DLG5: variants seen among roughly 807,000 people sequenced by gnomAD.
DLG5 encodes the protein discs large MAGUK scaffold protein 5, also known as disks large homolog 5.
In DLG5, 48 loss-of-function variants were observed where a neutral mutation model predicts 189.8. The observed-to-expected ratio is 0.25, with a 90% CI of 0.20 to 0.32. The LOEUF is 0.32. DLG5 is among the 10% of genes least tolerant of loss of function. The pLI, the probability that DLG5 is intolerant of heterozygous loss-of-function variation, is 1.00. For missense variants in DLG5, 2,160 were observed against 2,544.7 expected, an observed-to-expected ratio of 0.85 and a Z score of 3.25; for synonymous variants, 1,016 against 1,054.1, an observed-to-expected ratio of 0.96 and a Z score of 0.70.
At chr10:77,834,282 T>C (rs1457259555) in intron 8 of DLG5, among the ~76,000 whole-genome samples, 1 of 152,038 alleles carries the variant, frequency 6.6e-6, no homozygotes, top group Non-Finnish European at 1.5e-5. Flanking sequence ...CGGCAACAAG[T>C]GTCAGGTTCC....
At chr10:77,866,442 T>C (rs11817548) in intron 2 of DLG5, among the ~76,000 whole-genome samples, 4,456 of 152,234 alleles carry the variant, frequency 0.029, 225 homozygotes, top group African/African-American at 0.1. Flanking sequence ...CAGCCAACTG[T>C]GGTCAATGAA....
chr10:77,926,435 A>T lies in DLG5; in HGVS notation c.86T>A (p.Leu29Gln). The T allele has an allele frequency of 2.6e-6, 4 of 1,567,870 alleles. No homozygotes were observed. In the South Asian group the frequency reaches 3.6e-5, roughly 14 times the overall value. Residue 29 changes from leucine (L) to glutamine (Q), a missense_variant, in exon 1 of 32, where the codon CTG (leucine) becomes CAG (glutamine). By Grantham distance (113) the Leu-to-Gln change is moderately radical (BLOSUM62 -2). Around this residue, in one of 5 missense-constraint regions of DLG5, gnomAD observed 664 missense variants for 838.5 expected, o/e 0.79. Transcript: ENST00000372391. This position sits in a 1 kb window ranked among gnomAD's most constrained non-coding sequence, Gnocchi z 5.2. Reference sequence around the variant, plus strand: ...ACTGAGCGCTCCCGCGGCCTCGAGCAGCCCGAGCACGGCTTCCACCTCCGT... The same window carrying T: ...ACTGAGCGCTCCCGCGGCCTCGAGCTGCCCGAGCACGGCTTCCACCTCCGT... ...AMTEVEAVLG[L>Q]LEAAGALSPG...
chr10:77,926,928 GC>G, upstream of DLG5: 7 of 355,004 alleles, frequency 2.0e-5, no homozygotes, highest in South Asian at 5.7e-5. This position sits in a 1 kb window ranked among gnomAD's most constrained non-coding sequence, Gnocchi z 5.2. Flanking sequence ...GCCGCGCGCC[GC>G]CCCCAGAGCA....
chr10:77,919,389 A>G lies in DLG5; in HGVS notation c.304+6828T>C, dbSNP rs374454349. Among the ~76,000 whole-genome samples, 25 of 151,778 alleles carry G rather than the reference A, an allele frequency of 1.6e-4. 4 individuals carry two copies. Among genetic ancestry groups the G allele is most frequent in the East Asian group, 9.7e-4 (5 of 5,150 alleles). ...CCCCAAAATCGAGTCCAACCCAATC[A>G]CCCAACCTCCTTGGACCAAATGCCA... On this transcript the variant is annotated intron_variant, in intron 1 of 31. Coordinates refer to ENST00000372391, the MANE Select transcript of DLG5 (RefSeq NM_004747.4).
At chr10:77,914,705 T>C (rs1846313482) in intron 1 of DLG5, among the ~76,000 whole-genome samples, 1 of 151,992 alleles carries the variant, frequency 6.6e-6, no homozygotes, top group Admixed American at 6.6e-5. Flanking sequence ...AGAGACCACC[T>C]TCCCCACCTC....
chr10:77,888,322 C>T (rs930048844), intron 1 of DLG5, among the ~76,000 whole-genome samples: 1 of 152,184 alleles, frequency 6.6e-6, no homozygotes, highest in African/African-American at 2.4e-5. Context: ...CCTTGGCTGG[C>T]TCTGCTCCCC....
chr10:77,829,394 C>T lies in DLG5; in HGVS notation c.2146G>A (p.Val716Met), dbSNP rs757662604. 1.2e-6 allele frequency: 2 copies of T among 1,614,236 alleles called. No individual in the cohort carries two copies. The highest frequency in any genetic ancestry group is 1.7e-5 in the Admixed American group (1 of 60,022). Reference sequence around the variant, plus strand: ...AGGTTGATGTGCAGCGGCGTGACCACCTTCCCACCCAGGGACTTCCTCCGC... The same window carrying T: ...AGGTTGATGTGCAGCGGCGTGACCATCTTCCCACCCAGGGACTTCCTCCGC... ...VRRRKSLGGKVVTPLHINLSG... is the reference protein window; with the variant it reads ...VRRRKSLGGKMVTPLHINLSG... The change falls in exon 12 of 32, where the codon GTG becomes ATG. Residue 716 changes from valine to methionine, a missense_variant. Transcript: ENST00000372391.
Position 77,821,528 on chromosome 10 carries a change from G to C in DLG5, c.2956C>G (p.Pro986Ala). ...CCTGGAAGCAGGTAGTCTATTTTGG[G>C]GGGTGTCTGGGGGCGTTTGAAAGTG... Reference protein sequence around the residue: ...PNTFKRPQTPPKIDYLLPGPG... With the variant: ...PNTFKRPQTPAKIDYLLPGPG... The change falls in exon 15 of 32, where the codon CCC (proline) becomes GCC (alanine). Residue 986 changes from proline to alanine, a missense_variant. Transcript: ENST00000372391. 1 of 1,612,858 alleles carries C rather than the reference G, an allele frequency of 6.2e-7. No individual in the cohort carries two copies. Among genetic ancestry groups the C allele is most frequent in the Non-Finnish European group, 8.5e-7 (1 of 1,180,016 alleles).
intron 31 of DLG5, 79 bp downstream of exon 31, chr10:77,793,929 C>T (rs746221266): frequency 1.9e-4 from 254 of 1,351,836 alleles, no homozygotes; most frequent in Non-Finnish European, 2.5e-4. Context: ...GGCTTCTCCA[C>T]GGCTAAGAAA....
intron 7 of DLG5, 90 bp downstream of exon 7, chr10:77,841,791 C>T: frequency 6.8e-7 from 1 of 1,459,928 alleles, no homozygotes; most frequent in South Asian, 1.3e-5. Flanking sequence ...ACTCAGGAGG[C>T]TTCTAATCCG....
chr10:77,839,016 C>A (rs185484839), intron 7 of DLG5, among the ~76,000 whole-genome samples: 1 of 152,362 alleles, frequency 6.6e-6, no homozygotes, highest in East Asian at 1.9e-4. Flanking sequence ...GTCAACACCC[C>A]CTGTGGAGGA....
chr10:77,914,823 G>A (rs1464685926), intron 1 of DLG5, among the ~76,000 whole-genome samples: 1 of 152,136 alleles, frequency 6.6e-6, no homozygotes, highest in Non-Finnish European at 1.5e-5. Context: ...ATCTTTCCAA[G>A]GCTCTCCCAG....
chr10:77,815,765 CT>C (rs1842020417), intron 20 of DLG5, among the ~76,000 whole-genome samples: 1 of 152,206 alleles, frequency 6.6e-6, no homozygotes, highest in Admixed American at 6.5e-5. Context: ...ATCTGTGTTT[CT>C]TTTGGTGATT....
chr10:77,888,729 C>A (rs1192305974), intron 1 of DLG5, among the ~76,000 whole-genome samples: 1 of 152,168 alleles, frequency 6.6e-6, no homozygotes, highest in Non-Finnish European at 1.5e-5. Context: ...CCATTAAGGA[C>A]CATCCCAAAC....
chr10:77,843,608 C>T lies in DLG5; in HGVS notation c.963G>A (p.Arg321=). 1 of 1,614,050 alleles carries T rather than the reference C, an allele frequency of 6.2e-7. No homozygotes were observed. The highest frequency in any genetic ancestry group is 8.5e-7 in the Non-Finnish European group (1 of 1,180,026). The change falls in exon 6 of 32, where the codon CGG becomes CGA. Residue 321 remains arginine, a synonymous_variant. Coordinates refer to ENST00000372391, the MANE Select transcript of DLG5 (RefSeq NM_004747.4). ...EVVKKDYDAL[R]KRYSEKVAIH... ...TGGCGACTTTCTCACTGTACCTCTT[C>T]CGAAGGGCGTCATAGTCCTTCTTGA...
At chr10:77,802,636 G>A (rs774389381) in intron 27 of DLG5, among the ~76,000 whole-genome samples, 1 of 152,198 alleles carries the variant, frequency 6.6e-6, no homozygotes, top group African/African-American at 2.4e-5. Flanking sequence ...CTGTAATCCC[G>A]GGTGCAGTGC....
intron 2 of DLG5, among the ~76,000 whole-genome samples, chr10:77,860,779 C>T (rs116497186): frequency 6.6e-6 from 1 of 152,266 alleles, no homozygotes; most frequent in African/African-American, 2.4e-5. Flanking sequence ...GATCCTAGAA[C>T]CCAAGGTATT....
rs868088336 is a variant in DLG5 at position 77,813,183 on chromosome 10, G to A, written c.4026-806C>T. Among the ~76,000 whole-genome samples, 7 of 152,336 alleles carry A rather than the reference G, an allele frequency of 4.6e-5. No individual in the cohort carries two copies. In the Middle Eastern group the frequency reaches 0.014, roughly 296 times the overall value. ...GCGGAGCCTCCCGTTGGGACTTCAC[G>A]CCACTCAGGGCTTCATTCCTCCAAG... is the stretch of plus-strand genomic sequence containing the variant. On this transcript the variant is annotated intron_variant, in intron 20 of 31. Transcript: ENST00000372391.
At chr10:77,864,816 G>A (rs539692806) in intron 2 of DLG5, among the ~76,000 whole-genome samples, 1 of 152,356 alleles carries the variant, frequency 6.6e-6, no homozygotes, top group South Asian at 2.1e-4. Context: ...CTTAGTCAAT[G>A]AGTACATGAC....
Sources: allele counts gnomAD v4.1 joint callset (sites outside exome capture counted in the v4.1 genomes callset), GRCh38; gene constraint gnomAD v4.1.1; regional missense constraint gnomAD v4.1.1; non-coding constraint Gnocchi (gnomAD v3.1); transcripts MANE v1.5; gene names NCBI Gene and HGNC (gene_info 2026-07-23, HGNC 2026-07-21).